The following AFF3 variants were observed in gnomAD, a reference collection of about 807,000 sequenced individuals.
AFF3 encodes the protein ALF transcription elongation factor 3.
A neutral mutation model predicts 129.7 loss-of-function variants in AFF3; 32 were observed. The observed-to-expected ratio is 0.25, with a 90% CI of 0.19 to 0.33. The LOEUF is 0.33. AFF3 is among the 10% of genes least tolerant of loss of function. The pLI is 1.00. For missense variants in AFF3, 1,373 were observed against 1,592.0 expected, an observed-to-expected ratio of 0.86 and a Z score of 2.34; for synonymous variants, 644 against 635.4, an observed-to-expected ratio of 1.01 and a Z score of -0.20.
chr2:99,841,023 A>C (rs1185628564), intron 7 of AFF3, among the ~76,000 whole-genome samples: 1 of 152,200 alleles, frequency 6.6e-6, no homozygotes, highest in African/African-American at 2.4e-5. Context: ...TTCTACCACA[A>C]AACAATTAAT....
At chr2:99,891,612 A>T (rs1693557043) in intron 7 of AFF3, among the ~76,000 whole-genome samples, 1 of 152,172 alleles carries the variant, frequency 6.6e-6, no homozygotes, top group Non-Finnish European at 1.5e-5. Flanking sequence ...GTCCTGTGAC[A>T]AATGGAGGAC....
chr2:99,685,049 G>A (rs529424093), intron 11 of AFF3, among the ~76,000 whole-genome samples: 9 of 150,534 alleles, frequency 6.0e-5, no homozygotes, highest in Admixed American at 5.3e-4. Context: ...AGTGACTCTC[G>A]TGCTTCAGCC....
At chr2:99,957,275 A>G (rs181980171) in intron 7 of AFF3, among the ~76,000 whole-genome samples, 1 of 152,358 alleles carries the variant, frequency 6.6e-6, no homozygotes, top group East Asian at 1.9e-4. Context: ...CTGGGAGGTC[A>G]TTCCCCTGTT....
At chr2:99,801,152 A>C (rs960666172) in intron 8 of AFF3, among the ~76,000 whole-genome samples, 1 of 152,204 alleles carries the variant, frequency 6.6e-6, no homozygotes, top group Non-Finnish European at 1.5e-5. Context: ...ATATCTCAAT[A>C]AAGAAATGTG....
chr2:99,646,909 T>G (rs1229402832), intron 13 of AFF3, among the ~76,000 whole-genome samples: 2 of 152,232 alleles, frequency 1.3e-5, no homozygotes, highest in Non-Finnish European at 2.9e-5. Flanking sequence ...TTACAAATGC[T>G]TATCACTTAT....
At chr2:100,003,171 G>A (rs1294435941) in intron 7 of AFF3, among the ~76,000 whole-genome samples, 1 of 152,136 alleles carries the variant, frequency 6.6e-6, no homozygotes, top group Non-Finnish European at 1.5e-5. Flanking sequence ...TGGCAAAGGT[G>A]AGATATTTTC....
intron 7 of AFF3, among the ~76,000 whole-genome samples, chr2:99,908,953 G>C (rs1238776917): frequency 6.6e-6 from 1 of 152,138 alleles, no homozygotes; most frequent in South Asian, 2.1e-4. Context: ...TCTAGAACTA[G>C]GAATACCATT....
At chr2:100,125,852 G>A (rs1267595768) in intron 2 of AFF3, among the ~76,000 whole-genome samples, 4 of 152,160 alleles carry the variant, frequency 2.6e-5, no homozygotes, top group South Asian at 2.1e-4. Context: ...CAGGCTCCGC[G>A]TGAGCCTGGG....
intron 4 of AFF3, among the ~76,000 whole-genome samples, chr2:100,045,497 G>T (rs898278486): frequency 6.6e-6 from 1 of 151,748 alleles, no homozygotes; most frequent in Non-Finnish European, 1.5e-5. Flanking sequence ...TTAAGTGAGG[G>T]CTTTCAAAAA....
intron 7 of AFF3, among the ~76,000 whole-genome samples, chr2:99,983,108 G>A (rs17023349): frequency 0.021 from 3,184 of 152,262 alleles, 115 homozygotes; most frequent in African/African-American, 0.073. Flanking sequence ...GAACTCAAGC[G>A]TAAGAGATTA....
chr2:99,602,485 T>C (rs1679935571), intron 13 of AFF3, among the ~76,000 whole-genome samples: 1 of 152,144 alleles, frequency 6.6e-6, no homozygotes, highest in Admixed American at 6.6e-5. Flanking sequence ...ACCATAAAAA[T>C]TCAAATAGCA....
intron 11 of AFF3, among the ~76,000 whole-genome samples, chr2:99,696,685 C>G (rs1041137818): frequency 1.3e-5 from 2 of 150,828 alleles, no homozygotes; most frequent in Non-Finnish European, 2.9e-5. Context: ...GAGTCAGGCT[C>G]TTAATTTGTT....
chr2:99,634,187 C>T (rs546057712), intron 13 of AFF3, among the ~76,000 whole-genome samples: 19 of 152,330 alleles, frequency 1.2e-4, no homozygotes, highest in Admixed American at 5.2e-4. Flanking sequence ...GGATTACAGG[C>T]GTGAGCCACT....
At chr2:99,859,958 T>A (rs1690851570) in intron 7 of AFF3, among the ~76,000 whole-genome samples, 1 of 152,154 alleles carries the variant, frequency 6.6e-6, no homozygotes, top group African/African-American at 2.4e-5. Context: ...CCTAAATAAG[T>A]TATTTCAGTG....
intron 13 of AFF3, among the ~76,000 whole-genome samples, chr2:99,628,720 C>T (rs1485908173): frequency 1.4e-4 from 2 of 14,110 alleles, no homozygotes; most frequent in Admixed American, 6.8e-4. Context: ...CCATGCTTGA[C>T]TGATTTTTTT....
intron 7 of AFF3, among the ~76,000 whole-genome samples, chr2:99,876,509 T>G (rs887413633): frequency 2.0e-5 from 3 of 152,116 alleles, no homozygotes; most frequent in African/African-American, 7.2e-5. Flanking sequence ...GTGCTGTCAC[T>G]GTATCCTAAG....
chr2:100,139,795 G>T (rs2105615544), intron 1 of AFF3, among the ~76,000 whole-genome samples: 1 of 152,270 alleles, frequency 6.6e-6, no homozygotes, highest in East Asian at 1.9e-4. Context: ...AATGAGATAT[G>T]ACTTGTTTGT....
rs368973458 is a variant in AFF3 at position 99,581,510 on chromosome 2, C to T, written c.2793+1288G>A. On this transcript the variant is annotated intron_variant, in intron 17 of 24. Coordinates refer to ENST00000672756, the MANE Select transcript of AFF3 (RefSeq NM_001386135.1). ...CCCTCATCTTTCTCATCTTTCTTTG[C>T]AGAATCCTGTTCTTTTTTTTTTTTT... 2.2e-4 allele frequency among the ~76,000 whole-genome samples: 33 copies of T among 150,504 alleles called. No homozygotes were observed. The South Asian group carries it at 4.6e-3, about 21-fold the overall frequency.
chr2:99,703,280 C>T (rs1043040208), intron 11 of AFF3, among the ~76,000 whole-genome samples: 11 of 152,152 alleles, frequency 7.2e-5, no homozygotes, highest in African/African-American at 2.2e-4. Flanking sequence ...ATTTCCAAAT[C>T]TGTCACTGGC....
Sources: allele counts gnomAD v4.1 joint callset (sites outside exome capture counted in the v4.1 genomes callset), GRCh38; gene constraint gnomAD v4.1.1; transcripts MANE v1.5; gene names NCBI Gene and HGNC (gene_info 2026-07-23, HGNC 2026-07-21).